The following IL17RD variants were observed in gnomAD, a reference collection of about 807,000 sequenced individuals.
IL17RD encodes the protein interleukin 17 receptor D, also known as interleukin-17 receptor D.
In IL17RD, 52 loss-of-function variants were observed where a neutral mutation model predicts 80.5. The ratio of observed to expected loss-of-function variants is 0.65; its 90% CI spans 0.52 to 0.81. The LOEUF (loss-of-function observed/expected upper bound fraction) is 0.81. Among genes scored for constraint, IL17RD ranks in the 40% least tolerant of loss-of-function variants. The probability of loss-of-function intolerance (pLI) is 0.00; values close to 1 mark genes in which losing one functional copy is unlikely to be tolerated. For missense variants in IL17RD, 1,024 were observed against 955.1 expected, an observed-to-expected ratio of 1.07 and a Z score of -0.95; for synonymous variants, 416 against 391.8, an observed-to-expected ratio of 1.06 and a Z score of -0.73.
chr3:57,097,737 A>C lies in IL17RD; in HGVS notation c.1966T>G (p.Ser656Ala). ...LLHTVKAGSP[S>A]DMPRDSGIYD... ...ATGCCTGAGTCCCGCGGCATGTCCGAGGGGCTGCCGGCTTTCACCGTGTGC... is the reference window on the plus strand; with the variant it reads ...ATGCCTGAGTCCCGCGGCATGTCCGCGGGGCTGCCGGCTTTCACCGTGTGC... The change falls in exon 12 of 13, where the codon TCG becomes GCG. Residue 656 changes from serine (S) to alanine (A), a missense_variant. Coordinates refer to ENST00000296318, the MANE Select transcript of IL17RD (RefSeq NM_017563.5). 1.2e-6 allele frequency: 2 copies of C among 1,602,616 alleles called. No homozygotes were observed. Among genetic ancestry groups the C allele is most frequent in the Non-Finnish European group, 1.7e-6 (2 of 1,173,752 alleles).
At chr3:57,151,731 G>C (rs997136295) in intron 1 of IL17RD, among the ~76,000 whole-genome samples, 1 of 152,242 alleles carries the variant, frequency 6.6e-6, no homozygotes, top group Non-Finnish European at 1.5e-5. Context: ...CCCATTGACT[G>C]CCAGGAGCAG....
At chr3:57,168,429 C>T (rs2060356635), upstream of IL17RD, among the ~76,000 whole-genome samples, 1 of 152,162 alleles carries the variant, frequency 6.6e-6, no homozygotes, top group South Asian at 2.1e-4. Flanking sequence ...TTTCCTGAAG[C>T]CATGTGGAGG....
Position 57,164,853 on chromosome 3 carries a change from G to A in IL17RD, c.126+308C>T, listed in dbSNP as rs2060335004. 1.2e-5 allele frequency: 14 copies of A among 1,128,050 alleles called. No individual in the cohort carries two copies. The East Asian group carries it at 8.8e-4, about 71-fold the overall frequency. The allele number at this position is 1,128,050 out of a possible 1,614,324, so 69.9% of individuals were successfully genotyped here. On this transcript the variant is annotated intron_variant, in intron 1 of 12. Transcript: ENST00000296318. ...AGGAGGTCCCGGGCCAAGAACAAAG[G>A]GTGGGGCGCCCGGCCCAGCCCCGCC...
chr3:57,143,047 A>T (rs1467175165), intron 1 of IL17RD, among the ~76,000 whole-genome samples: 1 of 152,232 alleles, frequency 6.6e-6, no homozygotes, highest in Non-Finnish European at 1.5e-5. Context: ...AGAATCAGGC[A>T]TATATTATGA....
At chr3:57,165,354 G>T, upstream of IL17RD, 1 of 1,198,196 alleles carries the variant, frequency 8.3e-7, no homozygotes, top group African/African-American at 1.6e-5. Flanking sequence ...AGCCCCGAGT[G>T]GGCGGTGGCC....
At chr3:57,127,337 A>AATAT (rs1398737259) in intron 1 of IL17RD, among the ~76,000 whole-genome samples, 22 of 75,702 alleles carry the variant, frequency 2.9e-4, no homozygotes, top group Admixed American at 5.4e-4. Context: ...AATATATATA[A>AATAT]AAATATATAT....
intron 1 of IL17RD, among the ~76,000 whole-genome samples, chr3:57,153,038 A>G (rs1022714156): frequency 1.3e-5 from 2 of 152,248 alleles, no homozygotes; most frequent in African/African-American, 4.8e-5. Context: ...AGCCTTGAGC[A>G]TTCTTGAGAA....
At position 57,097,712 on chromosome 3, in the gene IL17RD, A is replaced by T; in HGVS notation, c.1991T>A (p.Ile664Asn). ...SPSDMPRDSG[I>N]YDSSVPSSEL... Reference sequence around the variant, plus strand: ...GGATGAGGGCACAGACGAGTCATAGATGCCTGAGTCCCGCGGCATGTCCGA... The same window carrying T: ...GGATGAGGGCACAGACGAGTCATAGTTGCCTGAGTCCCGCGGCATGTCCGA... The change falls in exon 12 of 13, where the codon ATC becomes AAC. Residue 664 changes from isoleucine to asparagine, a missense_variant. Transcript: ENST00000296318. 1.2e-6 allele frequency: 2 copies of T among 1,604,982 alleles called. No homozygotes were observed. The highest frequency in any genetic ancestry group is 1.7e-6 in the Non-Finnish European group (2 of 1,175,146).
rs1161532049 is a variant in IL17RD, at chr3:57,090,112, A to G, written c.*6281T>C. ...CAAGTCATTAACATTTTCAATGTCA[A>G]AAATACAGCACGCTGTTAAGAGTTC... is the stretch of plus-strand genomic sequence containing the variant. On this transcript the variant is annotated 3_prime_UTR_variant, in exon 13 of 13. Coordinates refer to ENST00000296318, the MANE Select transcript of IL17RD (RefSeq NM_017563.5). The G allele has an allele frequency of 6.6e-6, 1 of 152,664 alleles. No individual in the cohort carries two copies. The highest frequency in any genetic ancestry group is 2.4e-5 in the African/African-American group (1 of 41,460). The allele number at this position is 152,664 out of a possible 1,614,324, so 9.5% of individuals were successfully genotyped here. A position where few individuals can be genotyped will look rare whatever the true frequency, so the allele number is the denominator to read the frequency against.
intron 1 of IL17RD, among the ~76,000 whole-genome samples, chr3:57,159,869 C>T (rs1295224367): frequency 6.6e-6 from 1 of 152,018 alleles, no homozygotes; most frequent in Non-Finnish European, 1.5e-5. Context: ...CCATCAGAAG[C>T]AGGCTGAAGA....
At chr3:57,150,795 C>A (rs1002350941) in intron 1 of IL17RD, among the ~76,000 whole-genome samples, 1 of 152,160 alleles carries the variant, frequency 6.6e-6, no homozygotes, top group Non-Finnish European at 1.5e-5. Flanking sequence ...TACCAAATTC[C>A]ATTTTTAAAG....
chr3:57,168,786 G>A (rs560290901), upstream of IL17RD, among the ~76,000 whole-genome samples: 28 of 152,180 alleles, frequency 1.8e-4, no homozygotes, highest in Middle Eastern at 3.4e-3. Context: ...CCATGGTCTC[G>A]GCTAATTGCA....
At chr3:57,116,573 C>G (rs1258418973) in intron 2 of IL17RD, among the ~76,000 whole-genome samples, 1 of 152,078 alleles carries the variant, frequency 6.6e-6, no homozygotes, top group Non-Finnish European at 1.5e-5. Context: ...GCGTGAGCCA[C>G]CATGCCTGGC....
rs1706571047 is a variant in IL17RD at position 57,092,185 on chromosome 3, C to T, written c.*4208G>A. 6.6e-6 allele frequency: 1 copy of T among 152,646 alleles called. No homozygotes were observed. Among genetic ancestry groups the T allele is most frequent in the African/African-American group, 2.4e-5 (1 of 41,446 alleles). The allele number at this position is 152,646 out of a possible 1,614,324, so 9.5% of individuals were successfully genotyped here. A position where few individuals can be genotyped will look rare whatever the true frequency, so the allele number is the denominator to read the frequency against. Reference sequence around the variant, plus strand: ...TTCCTTGCCTTACTCTCTACAACTGCCTGCTTTCCTAATCATGTCTTGGCC... The same window carrying T: ...TTCCTTGCCTTACTCTCTACAACTGTCTGCTTTCCTAATCATGTCTTGGCC... On this transcript the variant is annotated 3_prime_UTR_variant, in exon 13 of 13. Coordinates refer to ENST00000296318, the MANE Select transcript of IL17RD (RefSeq NM_017563.5).
At chr3:57,129,043 C>T (rs771895030) in intron 1 of IL17RD, among the ~76,000 whole-genome samples, 1 of 152,178 alleles carries the variant, frequency 6.6e-6, no homozygotes, top group African/African-American at 2.4e-5. Flanking sequence ...CAGACCTTTC[C>T]CTCCGCTTCG....
At chr3:57,132,730 C>A (rs1005617756) in intron 1 of IL17RD, among the ~76,000 whole-genome samples, 1 of 152,188 alleles carries the variant, frequency 6.6e-6, no homozygotes, top group Non-Finnish European at 1.5e-5. Flanking sequence ...CCTTTCGGAT[C>A]ACAGGTGACA....
chr3:57,098,241 C>T lies in IL17RD; in HGVS notation c.1462G>A (p.Val488Ile). Residue 488 changes from valine to isoleucine, a missense_variant, in exon 12 of 13, where the codon GTC becomes ATC. Physicochemically the swap from Val to Ile is conservative, Grantham distance 29 (BLOSUM62 3). Coordinates refer to ENST00000296318, the MANE Select transcript of IL17RD (RefSeq NM_017563.5). ...VYFDYSCEGD[V>I]PGILDLSTKY... Reference sequence around the variant, plus strand: ...GTACTCAGGTCTAGGATACCGGGGACGTCTCCCTCGCAGGAATAATCAAAG... The same window carrying T: ...GTACTCAGGTCTAGGATACCGGGGATGTCTCCCTCGCAGGAATAATCAAAG... 1 of 1,613,826 alleles carries T rather than the reference C, an allele frequency of 6.2e-7. No individual in the cohort carries two copies. The highest frequency in any genetic ancestry group is 8.5e-7 in the Non-Finnish European group (1 of 1,179,840).
upstream of IL17RD, among the ~76,000 whole-genome samples, chr3:57,167,035 C>G (rs939155448): frequency 1.1e-4 from 17 of 152,170 alleles, 2 homozygotes; most frequent in Admixed American, 1.0e-3. Flanking sequence ...GTAGCTACAT[C>G]TAGAACCAAG....
intron 3 of IL17RD, among the ~76,000 whole-genome samples, chr3:57,114,132 C>T (rs1018059076): frequency 1.3e-5 from 2 of 150,930 alleles, no homozygotes; most frequent in African/African-American, 2.4e-5. Flanking sequence ...TGCAGTGAGC[C>T]GAGATCGCAC....
Sources: allele counts gnomAD v4.1 joint callset (sites outside exome capture counted in the v4.1 genomes callset), GRCh38; gene constraint gnomAD v4.1.1; transcripts MANE v1.5; gene names NCBI Gene and HGNC (gene_info 2026-07-23, HGNC 2026-07-21).